The following PCBP3 variants were observed in gnomAD, a reference collection of about 807,000 sequenced individuals.
The protein encoded by PCBP3 is poly(rC)-binding protein 3.
A neutral mutation model predicts 52.7 loss-of-function variants in PCBP3; 25 were observed. The observed-to-expected ratio is 0.47, with a 90% CI of 0.35 to 0.66. The LOEUF is 0.66. Among genes scored for constraint, PCBP3 ranks in the 30% least tolerant of loss-of-function variants. The probability of loss-of-function intolerance (pLI) is 0.01; values close to 1 mark genes in which losing one functional copy is unlikely to be tolerated. For missense variants in PCBP3, 391 were observed against 490.3 expected (o/e 0.80, Z 1.91); for synonymous variants, 162 against 183.0 (o/e 0.89, Z 0.93).
At chr21:45,743,567 A>C (rs981671071) in intron 3 of PCBP3, among the ~76,000 whole-genome samples, 2 of 152,176 alleles carry the variant, frequency 1.3e-5, no homozygotes, top group Admixed American at 6.5e-5. Flanking sequence ...GTTAGGCCAT[A>C]GCTCTTCCAA....
intron 4 of PCBP3, among the ~76,000 whole-genome samples, chr21:45,803,150 G>A (rs1179861738): frequency 2.0e-5 from 3 of 152,218 alleles, no homozygotes; most frequent in Non-Finnish European, 4.4e-5. Flanking sequence ...CTGTGTGGGT[G>A]CGTCCCCTCC....
intron 2 of PCBP3, among the ~76,000 whole-genome samples, chr21:45,705,001 C>T (rs540830225): frequency 3.9e-5 from 6 of 152,296 alleles, no homozygotes; most frequent in Admixed American, 6.5e-5. Context: ...TTTCTGGCTT[C>T]GGTGTGCTGA....
chr21:45,927,246 A>G (rs1448334381), intron 13 of PCBP3, among the ~76,000 whole-genome samples: 1 of 65,566 alleles, frequency 1.5e-5, no homozygotes, highest in African/African-American at 5.2e-5. Context: ...CAGTAATGGG[A>G]TACATCCCCT....
rs1310243533 is a variant in PCBP3, at chr21:45,784,581, C to T, written c.-126+29129C>T. Among the ~76,000 whole-genome samples the T allele has an allele frequency of 1.1e-4, 16 of 152,302 alleles. No individual in the cohort carries two copies. In the South Asian group the frequency reaches 2.5e-3, roughly 24 times the overall value. On this transcript the variant is annotated intron_variant, in intron 4 of 17. Transcript: ENST00000681687. ...CCCTGCCTGATTCTCCTGCCTCAGCCTGCCGAGTGCCTGCAATTGCAGGCG... is the reference window on the plus strand; with the variant it reads ...CCCTGCCTGATTCTCCTGCCTCAGCTTGCCGAGTGCCTGCAATTGCAGGCG...
chr21:45,875,715 C>T (rs1284354580), intron 5 of PCBP3, among the ~76,000 whole-genome samples: 1 of 152,220 alleles, frequency 6.6e-6, no homozygotes, highest in African/African-American at 2.4e-5. Flanking sequence ...AAGTACCGCT[C>T]ATTCGCAGCC....
chr21:45,653,234 A>G lies in PCBP3; in HGVS notation c.-279+9366A>G, dbSNP rs138355960. Among the ~76,000 whole-genome samples, 29 of 152,304 alleles carry G rather than the reference A, an allele frequency of 1.9e-4. No homozygotes were observed. The East Asian group carries it at 5.6e-3, about 29-fold the overall frequency. ...ATAATTGGGTTCAATGTACTATACT[A>G]AATATTCTGTTTAGCTGAGTTGGTA... is the stretch of plus-strand genomic sequence containing the variant. On this transcript the variant is annotated intron_variant, in intron 1 of 17. Coordinates refer to ENST00000681687, the MANE Select transcript of PCBP3 (RefSeq NM_001384156.1).
At chr21:45,862,074 T>C (rs1197671979) in intron 5 of PCBP3, among the ~76,000 whole-genome samples, 1 of 151,768 alleles carries the variant, frequency 6.6e-6, no homozygotes, top group Non-Finnish European at 1.5e-5. Flanking sequence ...CCTGCTAGTT[T>C]TCTTGAGCCT....
chr21:45,877,345 C>T (rs769401264), intron 5 of PCBP3, among the ~76,000 whole-genome samples: 122 of 152,088 alleles, frequency 8.0e-4, no homozygotes, highest in Non-Finnish European at 1.6e-3. Context: ...GGGCTGTGGC[C>T]CTGTGTGGCC....
In PCBP3 at chr21:45,940,698, C is replaced by T. The variant is rs377036345; in HGVS notation, c.1079+499C>T. Reference sequence around the variant, plus strand: ...CACCTGGGTCCCTGTGACTGCACCCCACTCGGCCTCAAGCCAGTGCCCCAC... The same window carrying T: ...CACCTGGGTCCCTGTGACTGCACCCTACTCGGCCTCAAGCCAGTGCCCCAC... On this transcript the variant is annotated intron_variant, in intron 17 of 17. Transcript: ENST00000681687. 1.3e-3 allele frequency among the ~76,000 whole-genome samples: 202 copies of T among 152,204 alleles called. 3 individuals are homozygous for T. Among genetic ancestry groups the T allele is most frequent in the African/African-American group, 4.4e-3 (182 of 41,506 alleles).
intron 4 of PCBP3, among the ~76,000 whole-genome samples, chr21:45,803,071 G>A (rs1178890262): frequency 2.0e-5 from 3 of 152,114 alleles, no homozygotes; most frequent in Admixed American, 6.5e-5. Context: ...TTATCTATTC[G>A]TTGGAAGTCA....
chr21:45,838,630 T>C (rs2093638890), intron 4 of PCBP3, among the ~76,000 whole-genome samples: 1 of 152,220 alleles, frequency 6.6e-6, no homozygotes, highest in South Asian at 2.1e-4. Context: ...AGTTTTTCTT[T>C]TCTCTCATCA....
intron 2 of PCBP3, among the ~76,000 whole-genome samples, chr21:45,717,144 G>C (rs1238093727): frequency 6.6e-6 from 1 of 151,574 alleles, no homozygotes. Context: ...TTTTATTTTT[G>C]GATTGTTCAT....
At chr21:45,682,220 A>G (rs962166856) in intron 2 of PCBP3, among the ~76,000 whole-genome samples, 1 of 152,128 alleles carries the variant, frequency 6.6e-6, no homozygotes, top group South Asian at 2.1e-4. Context: ...ACATCCATTC[A>G]TATTTATGGT....
intron 16 of PCBP3, among the ~76,000 whole-genome samples, chr21:45,936,696 G>A (rs928698955): frequency 1.3e-5 from 2 of 152,174 alleles, no homozygotes; most frequent in Non-Finnish European, 2.9e-5. Flanking sequence ...TCCTTCTTTG[G>A]TGAGTCAGTG....
chr21:45,657,998 G>A (rs1228911443), intron 1 of PCBP3, among the ~76,000 whole-genome samples: 1 of 152,112 alleles, frequency 6.6e-6, no homozygotes, highest in East Asian at 1.9e-4. Context: ...TATCTTAGGG[G>A]GAAAGCTTTT....
At chr21:45,854,152 G>A (rs2094172165) in intron 5 of PCBP3, 1 of 152,180 alleles carries the variant, frequency 6.6e-6, no homozygotes, top group South Asian at 2.1e-4. Flanking sequence ...GAGAGGCTGT[G>A]CGGTTTGTTC....
At chr21:45,734,017 G>A (rs2085661814) in intron 2 of PCBP3, among the ~76,000 whole-genome samples, 1 of 152,164 alleles carries the variant, frequency 6.6e-6, no homozygotes, top group Admixed American at 6.5e-5. Flanking sequence ...GAAAGACATC[G>A]TAAACTTTGT....
chr21:45,878,291 GGGGGTCCTCCC>G (rs1054783421), intron 5 of PCBP3, among the ~76,000 whole-genome samples: 1 of 152,246 alleles, frequency 6.6e-6, no homozygotes, highest in Admixed American at 6.5e-5. Flanking sequence ...TCCGGGGTGG[GGGGGTCCTCCC>G]GGGGCTGTTT....
intron 4 of PCBP3, among the ~76,000 whole-genome samples, chr21:45,849,484 G>C (rs1360893933): frequency 6.6e-6 from 1 of 152,006 alleles, no homozygotes; most frequent in South Asian, 2.1e-4. Context: ...GGGATTACAG[G>C]CATGAGCCAC....
Sources: gnomAD v4.1 joint callset for allele counts (sites outside exome capture counted in the v4.1 genomes callset) on GRCh38, gnomAD v4.1.1 for gene constraint, MANE v1.5 for transcripts, NCBI Gene and HGNC (gene_info 2026-07-23, HGNC 2026-07-21) for gene names.